NANOS3: variants seen among roughly 807,000 people sequenced by gnomAD.
NANOS3 encodes nanos C2HC-type zinc finger 3, also known as nanos homolog 3.
In NANOS3, 11 loss-of-function variants were observed where a neutral mutation model predicts 13.8. That is an observed-to-expected ratio of 0.80 (90% CI 0.50 to 1.32). The LOEUF (loss-of-function observed/expected upper bound fraction) is 1.32. Ranked by LOEUF, NANOS3 falls within the 40% of genes most tolerant of loss-of-function variation. NANOS3 has a pLI of 0.00. For synonymous variants in NANOS3, 119 were observed against 115.4 expected (o/e 1.03, Z -0.20); for missense variants, 221 against 263.8 (o/e 0.84, Z 1.12).
chr19:13,865,699 G>A lies in NANOS3; in HGVS notation n.21+262G>A, dbSNP rs572846296. Among the ~76,000 whole-genome samples the A allele has an allele frequency of 3.3e-5, 5 of 149,368 alleles. No individual in the cohort carries two copies. The East Asian group carries it at 1.0e-3, about 30-fold the overall frequency. Reference sequence around the variant, plus strand: ...CGGGAGGGTCGGACTCTGCAAAGGGGACAGACCCCCGAGTCCCGGAGCCGG... The same window carrying A: ...CGGGAGGGTCGGACTCTGCAAAGGGAACAGACCCCCGAGTCCCGGAGCCGG... On this transcript the variant is annotated intron_variant and non_coding_transcript_variant, in intron 1 of 2. Coordinates refer to the NANOS3 transcript ENST00000591161.
upstream of NANOS3, among the ~76,000 whole-genome samples, chr19:13,864,807 G>A (rs1976206687): frequency 6.6e-6 from 1 of 152,068 alleles, no homozygotes; most frequent in Admixed American, 6.5e-5. Flanking sequence ...CATGTGTCTG[G>A]TGCCCCCGGG....
Position 13,880,631 on chromosome 19 carries a change from G to T in NANOS3, c.*128G>T. ...GGGATTGAGCCCTGGGGATGACCCGGGGTTGGCAAGGGAAGAGCTGAAATC... is the reference window on the plus strand; with the variant it reads ...GGGATTGAGCCCTGGGGATGACCCGTGGTTGGCAAGGGAAGAGCTGAAATC... On this transcript the variant is annotated 3_prime_UTR_variant, in exon 2 of 2. Coordinates refer to ENST00000339133, the MANE Select transcript of NANOS3 (RefSeq NM_001098622.3). The T allele has an allele frequency of 2.6e-6, 2 of 773,318 alleles. No homozygotes were observed. Among genetic ancestry groups the T allele is most frequent in the Non-Finnish European group, 2.2e-6 (1 of 461,436 alleles). 47.9% of individuals were successfully genotyped at this position (773,318 alleles called of 1,614,324 possible).
upstream of NANOS3, among the ~76,000 whole-genome samples, chr19:13,874,189 C>T (rs538763114): frequency 6.6e-6 from 1 of 152,188 alleles, no homozygotes; most frequent in Non-Finnish European, 1.5e-5. Context: ...CCCCCCACCC[C>T]CAAGCGCTCC....
At chr19:13,868,498 A>T (rs1475424472) in intron 1 of NANOS3, among the ~76,000 whole-genome samples, 1 of 151,740 alleles carries the variant, frequency 6.6e-6, no homozygotes, top group African/African-American at 2.4e-5. Flanking sequence ...CCGAGGTGGC[A>T]GGATCACTTG....
upstream of NANOS3, among the ~76,000 whole-genome samples, chr19:13,873,041 G>C (rs1968427713): frequency 6.6e-6 from 1 of 151,858 alleles, no homozygotes; most frequent in African/African-American, 2.4e-5. Flanking sequence ...GCAGGACGCA[G>C]TCCCGGGGCG....
intron 1 of NANOS3, among the ~76,000 whole-genome samples, chr19:13,880,073 T>C (rs1968600666): frequency 6.6e-6 from 1 of 152,176 alleles, no homozygotes; most frequent in Non-Finnish European, 1.5e-5. Context: ...AAGATAGTGT[T>C]TCCTGTGAGG....
intron 1 of NANOS3, among the ~76,000 whole-genome samples, chr19:13,878,202 AC>A: frequency 6.7e-6 from 1 of 148,888 alleles, no homozygotes; most frequent in Non-Finnish European, 1.5e-5. Flanking sequence ...TGCTGAGATT[AC>A]AGGCGTGAGC....
chr19:13,873,443 C>G (rs1968436776), upstream of NANOS3, among the ~76,000 whole-genome samples: 1 of 151,928 alleles, frequency 6.6e-6, no homozygotes, highest in African/African-American at 2.4e-5. Flanking sequence ...CAGTATTCCC[C>G]TCGGTGAAAT....
upstream of NANOS3, chr19:13,874,874 C>T (rs200826497): frequency 9.5e-6 from 5 of 524,404 alleles, no homozygotes; most frequent in African/African-American, 5.8e-5. Flanking sequence ...AGCCTGGGCA[C>T]GTCCCCTCCC....
At chr19:13,868,794 T>G (rs1359603970) in intron 1 of NANOS3, among the ~76,000 whole-genome samples, 1 of 151,674 alleles carries the variant, frequency 6.6e-6, no homozygotes, top group Non-Finnish European at 1.5e-5. Flanking sequence ...TCACTCATAG[T>G]GACACCAGCA....
upstream of NANOS3, among the ~76,000 whole-genome samples, chr19:13,873,291 T>C (rs1968432705): frequency 1.4e-5 from 2 of 140,096 alleles, no homozygotes; most frequent in Admixed American, 1.4e-4. Flanking sequence ...GGCGGGGCTC[T>C]CGGGGGCGCG....
chr19:13,869,673 G>T (rs955040383), intron 1 of NANOS3, among the ~76,000 whole-genome samples: 1 of 151,288 alleles, frequency 6.6e-6, no homozygotes, highest in South Asian at 2.1e-4. Context: ...TCTTGGTGTC[G>T]CTGGAACCCC....
upstream of NANOS3, chr19:13,877,116 C>G (rs888058574): frequency 4.3e-5 from 33 of 771,844 alleles, no homozygotes; most frequent in African/African-American, 5.4e-4. Context: ...AAAGGAGGGT[C>G]GGCCAGCACA....
intron 1 of NANOS3, 106 bp downstream of exon 1, chr19:13,877,871 C>G: frequency 1.4e-6 from 2 of 1,440,834 alleles, no homozygotes; most frequent in Non-Finnish European, 1.8e-6. Context: ...AGGGGAAGAC[C>G]TTAGAGAGAG....
upstream of NANOS3, among the ~76,000 whole-genome samples, chr19:13,865,221 GAGAC>G (rs990192553): frequency 9.9e-4 from 147 of 148,954 alleles, no homozygotes; most frequent in Non-Finnish European, 1.3e-3. Context: ...GCACGTCACC[GAGAC>G]AGACAGGCGG....
chr19:13,877,710 T>G lies in NANOS3; in HGVS notation c.462T>G (p.Pro154=), dbSNP rs767402336. 6.2e-7 allele frequency: 1 copy of G among 1,604,686 alleles called. No individual in the cohort carries two copies. The highest frequency in any genetic ancestry group is 2.2e-5 in the East Asian group (1 of 44,562). Residue 154 remains proline (P), a synonymous_variant, in exon 1 of 2, where the codon CCT becomes CCG. Transcript: ENST00000339133. The part of the protein sequence containing the change: ...RNSAGKKLVR[P]DKAKTQDTGH... ...CGGCAGGCAAGAAGCTGGTCCGGCCTGACAAGGCGAAGACACAGGACACAG... is the reference window on the plus strand; with the variant it reads ...CGGCAGGCAAGAAGCTGGTCCGGCCGGACAAGGCGAAGACACAGGACACAG...
At chr19:13,880,142 C>G (rs1038934358) in intron 1 of NANOS3, among the ~76,000 whole-genome samples, 3 of 152,214 alleles carry the variant, frequency 2.0e-5, no homozygotes, top group Non-Finnish European at 4.4e-5. Context: ...AAGATGGTGT[C>G]CTGCGGCCAG....
chr19:13,879,286 C>G (rs1215763374), intron 1 of NANOS3, among the ~76,000 whole-genome samples: 1 of 152,068 alleles, frequency 6.6e-6, no homozygotes, highest in African/African-American at 2.4e-5. Flanking sequence ...CTTAAATTGC[C>G]TTTGAGGAAG....
intron 1 of NANOS3, among the ~76,000 whole-genome samples, chr19:13,871,129 G>A (rs978640740): frequency 1.3e-5 from 2 of 152,266 alleles, no homozygotes; most frequent in African/African-American, 2.4e-5. Flanking sequence ...GCAGACAGCT[G>A]CAACCAGACA....
Sources: allele counts gnomAD v4.1 joint callset (sites outside exome capture counted in the v4.1 genomes callset), GRCh38; gene constraint gnomAD v4.1.1; transcripts MANE v1.5; gene names NCBI Gene and HGNC (gene_info 2026-07-23, HGNC 2026-07-21).